Variants in GALNT1 observed in about 807,000 individuals in gnomAD.
GALNT1 encodes GalNAc transferase 1.
Under a neutral mutation model 65.7 loss-of-function variants are expected in GALNT1, and 17 were observed. The ratio of observed to expected loss-of-function variants is 0.26; its 90% CI spans 0.18 to 0.39. GALNT1 has a LOEUF of 0.39. GALNT1 is among the 10% of genes least tolerant of loss of function. GALNT1 has a pLI of 1.00. For missense variants in GALNT1, 460 were observed against 672.8 expected (o/e 0.68, Z 3.50); for synonymous variants, 210 against 219.7 (o/e 0.96, Z 0.39).
intron 1 of GALNT1, among the ~76,000 whole-genome samples, chr18:35,638,088 A>G (rs574855631): frequency 1.9e-4 from 29 of 152,316 alleles, no homozygotes; most frequent in African/African-American, 4.6e-4. Context: ...AAGAGCTGTG[A>G]TGGAGGTGTG....
intron 5 of GALNT1, among the ~76,000 whole-genome samples, chr18:35,685,904 T>C (rs1049510824): frequency 6.6e-6 from 1 of 151,966 alleles, no homozygotes; most frequent in African/African-American, 2.4e-5. Flanking sequence ...CCAGCTCTAC[T>C]AAAAATACAA....
At position 35,703,653 on chromosome 18, in the gene GALNT1, G is replaced by A. The variant is rs1267245541; in HGVS notation, c.1533+10G>A. The A allele has an allele frequency of 1.2e-6, 2 of 1,613,250 alleles. No individual in the cohort carries two copies. Among genetic ancestry groups the A allele is most frequent in the Non-Finnish European group, 1.7e-6 (2 of 1,179,702 alleles). Reference sequence around the variant, plus strand: ...GGAGTATGACCCAGTGGTAAGTTATGCAGTTGCCTATAGTAATAAAATTAT... The same window carrying A: ...GGAGTATGACCCAGTGGTAAGTTATACAGTTGCCTATAGTAATAAAATTAT... On this transcript the variant is annotated intron_variant, in intron 11 of 11. Coordinates refer to ENST00000269195, the MANE Select transcript of GALNT1 (RefSeq NM_020474.4).
At chr18:35,641,184 C>T (rs2047156886) in intron 1 of GALNT1, among the ~76,000 whole-genome samples, 1 of 152,132 alleles carries the variant, frequency 6.6e-6, no homozygotes, top group African/African-American at 2.4e-5. Context: ...GTGGCTCATA[C>T]CTGTAATCCC....
intron 1 of GALNT1, among the ~76,000 whole-genome samples, chr18:35,647,226 T>C (rs1410646758): frequency 1.3e-5 from 2 of 152,224 alleles, no homozygotes; most frequent in Non-Finnish European, 1.5e-5. Context: ...CAAAGTCAAA[T>C]CTATTATAGA....
At chr18:35,676,301 GGA>G (rs903577954) in intron 3 of GALNT1, among the ~76,000 whole-genome samples, 7 of 151,976 alleles carry the variant, frequency 4.6e-5, no homozygotes, top group African/African-American at 1.5e-4. Flanking sequence ...TGGTGAAGAG[GGA>G]GAGAGGGGCT....
At chr18:35,612,142 G>A (rs1256376856) in intron 1 of GALNT1, among the ~76,000 whole-genome samples, 1 of 152,110 alleles carries the variant, frequency 6.6e-6, no homozygotes, top group Non-Finnish European at 1.5e-5. Flanking sequence ...GAAAAGTAAT[G>A]AAAATAATTA....
chr18:35,629,150 A>G (rs2046967018), intron 1 of GALNT1, among the ~76,000 whole-genome samples: 1 of 152,202 alleles, frequency 6.6e-6, no homozygotes, highest in Non-Finnish European at 1.5e-5. Flanking sequence ...TCTGCAGGAT[A>G]TTATCCAGGA....
chr18:35,666,757 G>A (rs1021543218), intron 3 of GALNT1, among the ~76,000 whole-genome samples: 1 of 152,146 alleles, frequency 6.6e-6, no homozygotes, highest in Non-Finnish European at 1.5e-5. Flanking sequence ...TGTGCACCAA[G>A]TTTCACACTT....
At chr18:35,637,124 C>G (rs1347797183) in intron 1 of GALNT1, among the ~76,000 whole-genome samples, 2 of 152,214 alleles carry the variant, frequency 1.3e-5, no homozygotes, top group East Asian at 3.9e-4. Flanking sequence ...CCCTGTTCCC[C>G]AAGATACAAC....
chr18:35,609,857 T>C (rs1467277542), intron 1 of GALNT1, among the ~76,000 whole-genome samples: 1 of 152,218 alleles, frequency 6.6e-6, no homozygotes, highest in East Asian at 1.9e-4. Context: ...TTAATGTTTT[T>C]ACTATTTAAA....
intron 3 of GALNT1, 131 bp from the exon 4 acceptor site, chr18:35,677,460 A>T: frequency 1.9e-6 from 1 of 538,064 alleles, no homozygotes; most frequent in Admixed American, 3.2e-5. Flanking sequence ...CCAAGACTTA[A>T]ATGAAAAGGT....
At chr18:35,608,881 A>G (rs582871) in intron 1 of GALNT1, among the ~76,000 whole-genome samples, 69,739 of 151,856 alleles carry the variant, frequency 0.46, 16,282 homozygotes, top group Middle Eastern at 0.6. Flanking sequence ...ACTAGCCATC[A>G]TAGGGGCACT....
At chr18:35,675,372 T>G (rs554132520) in intron 3 of GALNT1, among the ~76,000 whole-genome samples, 1 of 152,350 alleles carries the variant, frequency 6.6e-6, no homozygotes, top group East Asian at 1.9e-4. Flanking sequence ...TTATGGTCTC[T>G]GATTAACCAT....
intron 1 of GALNT1, among the ~76,000 whole-genome samples, chr18:35,600,112 G>A (rs1443476916): frequency 6.6e-6 from 1 of 152,124 alleles, no homozygotes; most frequent in Non-Finnish European, 1.5e-5. Context: ...CATTAGGTAG[G>A]ATGGACATTT....
intron 1 of GALNT1, among the ~76,000 whole-genome samples, chr18:35,616,176 T>C (rs2046781386): frequency 6.6e-6 from 1 of 152,218 alleles, no homozygotes; most frequent in Non-Finnish European, 1.5e-5. Flanking sequence ...TGATTTAATT[T>C]ATGTAAATTG....
intron 1 of GALNT1, among the ~76,000 whole-genome samples, chr18:35,621,704 C>T (rs12955527): frequency 0.1 from 15,636 of 152,210 alleles, 886 homozygotes; most frequent in Admixed American, 0.18. Flanking sequence ...TCTTCCTGAT[C>T]TAATGACGTG....
At chr18:35,640,051 G>T (rs1168331128) in intron 1 of GALNT1, among the ~76,000 whole-genome samples, 1 of 152,110 alleles carries the variant, frequency 6.6e-6, no homozygotes, top group African/African-American at 2.4e-5. Flanking sequence ...CCCCACCTTG[G>T]CCTCCCAAAG....
intron 1 of GALNT1, among the ~76,000 whole-genome samples, chr18:35,598,480 G>A (rs868598749): frequency 3.9e-5 from 6 of 152,050 alleles, no homozygotes; most frequent in Admixed American, 2.0e-4. Flanking sequence ...GAGAACACGA[G>A]GTATTTGTCT....
At chr18:35,648,656 A>G (rs527470452) in intron 1 of GALNT1, among the ~76,000 whole-genome samples, 1 of 152,220 alleles carries the variant, frequency 6.6e-6, no homozygotes, top group Non-Finnish European at 1.5e-5. Flanking sequence ...GTCTTTTGAG[A>G]AAACATAAAA....
Sources: allele counts gnomAD v4.1 joint callset (sites outside exome capture counted in the v4.1 genomes callset), GRCh38; gene constraint gnomAD v4.1.1; transcripts MANE v1.5; gene names NCBI Gene and HGNC (gene_info 2026-07-23, HGNC 2026-07-21).